MMP9: variants seen among roughly 807,000 people sequenced by gnomAD.
MMP9 encodes matrix metalloproteinase-9.
A neutral mutation model predicts 76.4 loss-of-function variants in MMP9; 73 were observed. The observed-to-expected ratio is 0.96, with a 90% CI of 0.79 to 1.16. MMP9 has a LOEUF of 1.16. Ranked by LOEUF, MMP9 falls within the 50% of genes most tolerant of loss-of-function variation. MMP9 has a pLI of 0.00. For synonymous variants in MMP9, 412 were observed against 408.4 expected (o/e 1.01, Z -0.11); for missense variants, 943 against 973.0 (o/e 0.97, Z 0.41).
At chr20:46,009,257 T>G (rs1208474123) in intron 1 of MMP9, among the ~76,000 whole-genome samples, 193 bp downstream of exon 1, 1 of 151,080 alleles carries the variant, frequency 6.6e-6, no homozygotes, top group East Asian at 2.0e-4. Context: ...TGGCCAGAAA[T>G]GGGCAATGGG....
intron 2 of MMP9, among the ~76,000 whole-genome samples, 162 bp from the exon 3 acceptor site, chr20:46,010,321 C>CTAAAAAAAAAAA (rs2084268032): frequency 1.6e-5 from 1 of 62,504 alleles, no homozygotes; most frequent in Non-Finnish European, 2.8e-5. Context: ...TCTAAGTAGA[C>CTAAAAAAAAAAA]AAAAAAAAAA....
In MMP9 at chr20:46,015,555, A is replaced by G. The variant is rs970945027; in HGVS notation, c.2006-695A>G. ...AACCTCCGCCTCCCGGGTTCAAGCGATTCTCCTGCCTCAGCCTCCCAAGTA... is the reference window on the plus strand; with the variant it reads ...AACCTCCGCCTCCCGGGTTCAAGCGGTTCTCCTGCCTCAGCCTCCCAAGTA... On this transcript the variant is annotated intron_variant, in intron 12 of 12. Transcript: ENST00000372330. Among the ~76,000 whole-genome samples the G allele has an allele frequency of 8.1e-5, 12 of 148,526 alleles. 1 individual carries two copies. The highest frequency in any genetic ancestry group is 6.8e-4 in the Admixed American group (10 of 14,672).
intron 2 of MMP9, 89 bp downstream of exon 2, chr20:46,010,187 C>A: frequency 8.2e-7 from 1 of 1,220,208 alleles, no homozygotes; most frequent in Non-Finnish European, 1.1e-6. Context: ...GTCTTGGACG[C>A]GTCCCTGGGT....
Position 46,013,499 on chromosome 20 carries a change from G to A in MMP9, c.1575G>A (p.Ala525=), listed in dbSNP as rs80077409. 13 of 1,614,110 alleles carry A rather than the reference G, an allele frequency of 8.1e-6. No individual in the cohort carries two copies. The highest frequency in any genetic ancestry group is 2.2e-5 in the East Asian group (1 of 44,872). ...ACNVNIFDAI[A]EIGNQLYLFK... ...ACGTGAACATCTTCGACGCCATCGCGGAGATTGGGAACCAGCTGTATTTGT... is the reference window on the plus strand; with the variant it reads ...ACGTGAACATCTTCGACGCCATCGCAGAGATTGGGAACCAGCTGTATTTGT... Residue 525 remains alanine (A), a synonymous_variant, in exon 9 of 13, where the codon GCG becomes GCA. Transcript: ENST00000372330. The surrounding 1 kb of genome is among the most constrained non-coding windows in gnomAD (Gnocchi z 4.5).
chr20:46,011,702 G>T lies in MMP9; in HGVS notation c.952G>T (p.Ala318Ser). The T allele has an allele frequency of 6.2e-7, 1 of 1,613,700 alleles. No homozygotes were observed. Among genetic ancestry groups the T allele is most frequent in the Non-Finnish European group, 8.5e-7 (1 of 1,179,996 alleles). The change falls in exon 6 of 13, where the codon GCC becomes TCC. Residue 318 changes from alanine (A) to serine (S), a missense_variant. By Grantham distance (99) the Ala-to-Ser change is moderately conservative (BLOSUM62 1). Coordinates refer to ENST00000372330, the MANE Select transcript of MMP9 (RefSeq NM_004994.3). ...CGGCTACCGCTGGTGCGCCACCACC[G>T]CCAACTACGACCGGGACAAGCTCTT... ...SDGYRWCATT[A>S]NYDRDKLFGF...
chr20:46,013,597 C>A lies in MMP9; in HGVS notation c.1611-60C>A. ...TTGCGGAGGGGCTGCCCGTCCCTTC[C>A]CGCCCACTGGCCCTGTGTCCAAGGC... is the stretch of plus-strand genomic sequence containing the variant. On this transcript the variant is annotated intron_variant, in intron 9 of 12. Coordinates refer to ENST00000372330, the MANE Select transcript of MMP9 (RefSeq NM_004994.3). The surrounding 1 kb of genome is among the most constrained non-coding windows in gnomAD (Gnocchi z 4.5). 6.2e-7 allele frequency: 1 copy of A among 1,611,956 alleles called. No homozygotes were observed.
In MMP9 at chr20:46,011,226, A is replaced by C. The variant is rs1568847192; in HGVS notation, c.733A>C (p.Thr245Pro). ...IFEGRSYSAC[T>P]TDGRSDGLPW... Reference sequence around the variant, plus strand: ...CGAGGGCCGCTCCTACTCTGCCTGCACCACCGACGGTCGCTCCGACGGCTT... The same window carrying C: ...CGAGGGCCGCTCCTACTCTGCCTGCCCCACCGACGGTCGCTCCGACGGCTT... The change falls in exon 5 of 13, where the codon ACC becomes CCC. Residue 245 changes from threonine to proline, a missense_variant. By Grantham distance (38) the Thr-to-Pro change is conservative. Transcript: ENST00000372330. 6.2e-7 allele frequency: 1 copy of C among 1,613,890 alleles called. No homozygotes were observed. Among genetic ancestry groups the C allele is most frequent in the Admixed American group, 1.7e-5 (1 of 60,026 alleles).
Position 46,010,333 on chromosome 20 carries a change from A to AAAAAAAAAAAAAAAAAAAACAAAAAAAAC in MMP9, c.372-142_372-141insAAAAAAAAAAACAAAAAAAACAAAAAAAA, listed in dbSNP as rs796972949. ...GGGTCTAAGTAGACAAAAAAAAAAA[A>AAAAAAAAAAAAAAAAAAAACAAAAAAAAC]AAAAAAAACAGTCTGGAAGCAATTT... On this transcript the variant is annotated intron_variant, in intron 2 of 12. Coordinates refer to ENST00000372330, the MANE Select transcript of MMP9 (RefSeq NM_004994.3). 3.6e-6 allele frequency: 3 copies of AAAAAAAAAAAAAAAAAAAACAAAAAAAAC among 827,448 alleles called. No homozygotes were observed. In the African/African-American group the frequency reaches 6.6e-5, roughly 18 times the overall value. The allele number at this position is 827,448 out of a possible 1,614,324, so 51.3% of individuals were successfully genotyped here. A position where few individuals can be genotyped will look rare whatever the true frequency, so the allele number is the denominator to read the frequency against.
intron 8 of MMP9, 57 bp downstream of exon 8, chr20:46,012,639 A>G: frequency 1.3e-6 from 2 of 1,525,690 alleles, no homozygotes; most frequent in East Asian, 4.9e-5. Flanking sequence ...GTGCCACAGT[A>G]CCAAAGAATT....
intron 2 of MMP9, 41 bp downstream of exon 2, chr20:46,010,139 G>A (rs1158631325): frequency 6.8e-7 from 1 of 1,475,478 alleles, no homozygotes; most frequent in Non-Finnish European, 9.2e-7. Flanking sequence ...GGGCGGGGAG[G>A]CCAGGTCTGG....
intron 2 of MMP9, 107 bp from the exon 3 acceptor site, chr20:46,010,376 C>A: frequency 1.9e-6 from 2 of 1,041,618 alleles, no homozygotes; most frequent in Non-Finnish European, 2.9e-6. Context: ...AGAGCGTGGA[C>A]GGCAGAGAGC....
At position 46,009,084 on chromosome 20, in the gene MMP9, A is replaced by G. The variant is rs1390383029; in HGVS notation, c.138+20A>G. On this transcript the variant is annotated intron_variant, in intron 1 of 12. Coordinates refer to ENST00000372330, the MANE Select transcript of MMP9 (RefSeq NM_004994.3). ...GCAGAGGTGGGCAAACACCTAGTCT[A>G]GAGTTGGGGAGGGCTGTCCGTGAGG... 6.2e-7 allele frequency: 1 copy of G among 1,612,044 alleles called. No individual in the cohort carries two copies. Among genetic ancestry groups the G allele is most frequent in the Non-Finnish European group, 8.5e-7 (1 of 1,178,988 alleles).
rs1239188179 is a variant in MMP9 at position 46,011,592 on chromosome 20, G to C, written c.842G>C (p.Gly281Ala). 6.2e-6 allele frequency: 10 copies of C among 1,613,526 alleles called. No homozygotes were observed. The highest frequency in any genetic ancestry group is 8.5e-6 in the Non-Finnish European group (10 of 1,179,892). The change falls in exon 6 of 13, where the codon GGC becomes GCC. Residue 281 changes from glycine to alanine, a missense_variant. Transcript: ENST00000372330. ...CPSERLYTQD[G>A]NADGKPCQFP... is the part of the protein sequence containing the mutation. Reference sequence around the variant, plus strand: ...GCCCCAGGACTCTACACCCAGGACGGCAATGCTGATGGGAAACCCTGCCAG... The same window carrying C: ...GCCCCAGGACTCTACACCCAGGACGCCAATGCTGATGGGAAACCCTGCCAG...
chr20:46,010,808 C>T (rs558642842), intron 3 of MMP9, 114 bp from the exon 4 acceptor site: 1 of 1,588,074 alleles, frequency 6.3e-7, no homozygotes, highest in African/African-American at 1.3e-5. Context: ...GCTGGGAGAG[C>T]TTCGCGCAGG....
Position 46,012,589 on chromosome 20 carries a change from C to T in MMP9, c.1330+7C>T, listed in dbSNP as rs200544587. 2 of 1,611,910 alleles carry T rather than the reference C, an allele frequency of 1.2e-6. No homozygotes were observed. The highest frequency in any genetic ancestry group is 8.5e-7 in the Non-Finnish European group (1 of 1,179,686). Reference sequence around the variant, plus strand: ...GGCATCCGGCACCTCTATGGTGAGGCAGGGGCAGGGATGGGAGGAGGAGGG... The same window carrying T: ...GGCATCCGGCACCTCTATGGTGAGGTAGGGGCAGGGATGGGAGGAGGAGGG... On this transcript the variant is annotated splice_region_variant and intron_variant, in intron 8 of 12. Coordinates refer to ENST00000372330, the MANE Select transcript of MMP9 (RefSeq NM_004994.3).
At position 46,013,387 on chromosome 20, in the gene MMP9, C is replaced by A. The variant is rs1281260321; in HGVS notation, c.1463C>A (p.Pro488His). The A allele has an allele frequency of 6.2e-7, 1 of 1,612,120 alleles. No homozygotes were observed. Residue 488 changes from proline to histidine, a missense_variant, in exon 9 of 13, where the codon CCC becomes CAC. Coordinates refer to ENST00000372330, the MANE Select transcript of MMP9 (RefSeq NM_004994.3). The surrounding 1 kb of genome is among the most constrained non-coding windows in gnomAD (Gnocchi z 4.5). ...SERPTAGPTG[P>H]PSAGPTGPPT... ...CGCCCCACAGCTGGCCCCACAGGTC[C>A]CCCCTCAGCTGGCCCCACAGGTCCC...
rs747696251 is a variant in MMP9 at position 46,013,502 on chromosome 20, G to T, written c.1578G>T (p.Glu526Asp). 1 of 1,614,050 alleles carries T rather than the reference G, an allele frequency of 6.2e-7. No individual in the cohort carries two copies. Among genetic ancestry groups the T allele is most frequent in the East Asian group, 2.2e-5 (1 of 44,892 alleles). ...TGAACATCTTCGACGCCATCGCGGA[G>T]ATTGGGAACCAGCTGTATTTGTTCA... ...CNVNIFDAIAEIGNQLYLFKD... is the reference protein window; with the variant it reads ...CNVNIFDAIADIGNQLYLFKD... The change falls in exon 9 of 13, where the codon GAG (glutamate) becomes GAT (aspartate). Residue 526 changes from glutamate (E) to aspartate (D), a missense_variant. By Grantham distance (45) the Glu-to-Asp change is conservative. Coordinates refer to ENST00000372330, the MANE Select transcript of MMP9 (RefSeq NM_004994.3). The surrounding 1 kb of genome is among the most constrained non-coding windows in gnomAD (Gnocchi z 4.5).
intron 12 of MMP9, 150 bp downstream of exon 12, chr20:46,014,624 C>T (rs2145457159): frequency 2.3e-6 from 2 of 858,092 alleles, no homozygotes; most frequent in Non-Finnish European, 3.7e-6. Flanking sequence ...AGGCCTTCTC[C>T]AGGTCATTTA....
chr20:46,012,792 GACTTCAAAA>G (rs1359746061), intron 8 of MMP9, among the ~76,000 whole-genome samples: 6 of 152,188 alleles, frequency 3.9e-5, no homozygotes, highest in African/African-American at 1.4e-4. Context: ...AGATAGGTGT[GACTTCAAAA>G]GCCAGTCTAC....
Sources: gnomAD v4.1 joint callset for allele counts (sites outside exome capture counted in the v4.1 genomes callset) on GRCh38, gnomAD v4.1.1 for gene constraint, Gnocchi (gnomAD v3.1) non-coding constraint, MANE v1.5 for transcripts, NCBI Gene and HGNC (gene_info 2026-07-23, HGNC 2026-07-21) for gene names.